LARGE1: variants seen among roughly 807,000 people sequenced by gnomAD.
LARGE1 encodes xylosyl- and glucuronyltransferase LARGE1.
LARGE1 carries 43 observed loss-of-function variants against 87.6 expected under a neutral mutation model. The observed-to-expected ratio is 0.49, with a 90% CI of 0.38 to 0.63. The LOEUF is 0.63. Among genes scored for constraint, LARGE1 ranks in the 30% least tolerant of loss-of-function variants. The pLI is 0.00. For missense variants in LARGE1, 802 were observed against 1,000.2 expected (o/e 0.80, Z 2.67); for synonymous variants, 434 against 394.6 (o/e 1.10, Z -1.18).
chr22:33,316,362 G>A, intron 10 of LARGE1, 114 bp from the exon 11 acceptor site: 1 of 958,696 alleles, frequency 1.0e-6, no homozygotes, highest in East Asian at 2.6e-5. Flanking sequence ...GGACGTTGTT[G>A]ATGGGTCTGA....
At chr22:33,322,890 A>AG (rs1486149981) in intron 10 of LARGE1, 1 of 152,284 alleles carries the variant, frequency 6.6e-6, no homozygotes, top group Non-Finnish European at 1.5e-5. Context: ...TGGGAGGCGA[A>AG]GGAAGGCGGA....
chr22:33,218,399 A>G lies in LARGE1; in HGVS notation c.1731-51567T>C, dbSNP rs1925308325. ...TTTTTGCTTGGAATGCCCTTATCTC[A>G]TACCTTGCATGCACAAATACTATTC... On this transcript the variant is annotated intron_variant, in intron 11 of 11. Coordinates refer to the LARGE1 transcript ENST00000608642. Among the ~76,000 whole-genome samples, 4 of 152,066 alleles carry G rather than the reference A, an allele frequency of 2.6e-5. No homozygotes were observed. In the South Asian group the frequency reaches 8.3e-4, roughly 31 times the overall value.
chr22:33,512,529 G>A (rs768816012), intron 6 of LARGE1, among the ~76,000 whole-genome samples: 6 of 152,222 alleles, frequency 3.9e-5, no homozygotes, highest in South Asian at 2.1e-4. Flanking sequence ...TGGGCCAGGC[G>A]CAGTGGCTCA....
chr22:33,681,933 G>A (rs1358022436), intron 2 of LARGE1, among the ~76,000 whole-genome samples: 1 of 152,052 alleles, frequency 6.6e-6, no homozygotes, highest in Non-Finnish European at 1.5e-5. Context: ...AACTGCCCCA[G>A]GCTGATCAGC....
intron 6 of LARGE1, among the ~76,000 whole-genome samples, chr22:33,435,172 T>C (rs1185279381): frequency 3.3e-5 from 5 of 152,132 alleles, no homozygotes; most frequent in African/African-American, 9.7e-5. Flanking sequence ...TGGCTAATTT[T>C]TGTATTTTTA....
intron 11 of LARGE1, among the ~76,000 whole-genome samples, chr22:33,305,341 G>T (rs1934731644): frequency 7.1e-6 from 1 of 140,582 alleles, no homozygotes; most frequent in South Asian, 2.3e-4. Flanking sequence ...GGGAAAAATA[G>T]AGCCCAGGGA....
At chr22:33,097,074 C>T in the LARGE1 span, among the ~76,000 whole-genome samples, 2 of 152,222 alleles carry the variant, frequency 1.3e-5, no homozygotes, top group Non-Finnish European at 2.9e-5. Flanking sequence ...TTAAGTACCA[C>T]CCTTGGGTGT....
chr22:33,215,004 A>C (rs1925138884), intron 11 of LARGE1, among the ~76,000 whole-genome samples: 1 of 151,890 alleles, frequency 6.6e-6, no homozygotes, highest in Non-Finnish European at 1.5e-5. Flanking sequence ...CCAAGGCCCT[A>C]CTCTGGGCCT....
intron 13 of LARGE1, among the ~76,000 whole-genome samples, chr22:33,277,584 G>C (rs1159271309): frequency 6.6e-6 from 1 of 152,206 alleles, no homozygotes; most frequent in Non-Finnish European, 1.5e-5. Flanking sequence ...CATTGGGAGA[G>C]ATTGGATGAC....
At chr22:33,627,353 C>T (rs1421153482) in intron 3 of LARGE1, among the ~76,000 whole-genome samples, 3 of 151,902 alleles carry the variant, frequency 2.0e-5, no homozygotes, top group East Asian at 1.9e-4. Flanking sequence ...TTCATACTTC[C>T]GGATTTTGTC....
intron 11 of LARGE1, among the ~76,000 whole-genome samples, chr22:33,181,268 T>C (rs1923144944): frequency 6.6e-6 from 1 of 152,200 alleles, no homozygotes; most frequent in Non-Finnish European, 1.5e-5. Flanking sequence ...AGCAGTTTAA[T>C]TAACCTACTC....
chr22:33,671,789 T>C (rs1008029924), intron 2 of LARGE1, among the ~76,000 whole-genome samples: 1 of 152,192 alleles, frequency 6.6e-6, no homozygotes. Context: ...GTTATTGATA[T>C]CCTACCGTTC....
intron 11 of LARGE1, among the ~76,000 whole-genome samples, chr22:33,200,732 C>A (rs1237199871): frequency 6.6e-6 from 1 of 152,082 alleles, no homozygotes; most frequent in Non-Finnish European, 1.5e-5. Flanking sequence ...TGTGATTCAA[C>A]TTATATAAAA....
chr22:33,529,737 A>G (rs185781605), intron 6 of LARGE1, among the ~76,000 whole-genome samples: 51 of 152,334 alleles, frequency 3.3e-4, no homozygotes, highest in Admixed American at 1.8e-3. Context: ...ATGGTAAAAT[A>G]GGAAGCACAC....
At chr22:33,240,575 G>A (rs1372461547) in intron 11 of LARGE1, among the ~76,000 whole-genome samples, 1 of 152,144 alleles carries the variant, frequency 6.6e-6, no homozygotes, top group African/African-American at 2.4e-5. Context: ...CTTGATAATG[G>A]TAAGTTTTGA....
chr22:33,255,196 C>G lies in LARGE1; in HGVS notation c.1730+49033G>C, dbSNP rs565898808. 8.5e-5 allele frequency among the ~76,000 whole-genome samples: 13 copies of G among 152,300 alleles called. 1 individual carries two copies. The South Asian group carries it at 2.7e-3, about 32-fold the overall frequency. On this transcript the variant is annotated intron_variant, in intron 11 of 11. Coordinates refer to the LARGE1 transcript ENST00000608642. ...CAAGTGATCCGCCTGCCTCGGCCTC[C>G]CAAAGCGCTGGGAATACAGGCGTGA...
At chr22:33,887,551 A>G (rs1454316497) in intron 1 of LARGE1, among the ~76,000 whole-genome samples, 1 of 152,176 alleles carries the variant, frequency 6.6e-6, no homozygotes, top group East Asian at 1.9e-4. Flanking sequence ...AGTCTGAACA[A>G]CATGGTGAAA....
intron 9 of LARGE1, among the ~76,000 whole-genome samples, chr22:33,360,026 T>C (rs952002144): frequency 6.7e-5 from 10 of 149,640 alleles, no homozygotes; most frequent in Non-Finnish European, 1.2e-4. Context: ...TATTAGTCCA[T>C]TCTTACATTG....
intron 8 of LARGE1, 108 bp downstream of exon 8, chr22:33,384,084 T>C: frequency 1.2e-6 from 1 of 843,262 alleles, no homozygotes; most frequent in South Asian, 1.3e-5. Flanking sequence ...GCACACAGAG[T>C]CACACAATAC....
Sources: gnomAD v4.1 joint callset for allele counts (sites outside exome capture counted in the v4.1 genomes callset) on GRCh38, gnomAD v4.1.1 for gene constraint, MANE v1.5 for transcripts, NCBI Gene and HGNC (gene_info 2026-07-23, HGNC 2026-07-21) for gene names.